The following ZNF81 variants were observed in gnomAD, a reference collection of about 807,000 sequenced individuals.
The protein encoded by ZNF81 is zinc finger protein 81 (HFZ20).
ZNF81 carries 5 observed loss-of-function variants against 32.3 expected under a neutral mutation model. The observed-to-expected ratio is 0.15, with a 90% confidence interval of 0.08 to 0.33. The LOEUF (loss-of-function observed/expected upper bound fraction) is 0.33, where lower values mean the gene tolerates loss of function less well. ZNF81 is among the 10% of genes least tolerant of loss of function. The pLI, the probability that ZNF81 is intolerant of heterozygous loss-of-function variation, is 1.00. For synonymous variants in ZNF81, 163 were observed against 166.8 expected (o/e 0.98, Z 0.17); for missense variants, 379 against 479.8 (o/e 0.79, Z 1.96).
At chrX:47,840,119 T>C (rs1242179064) in intron 1 of ZNF81, among the ~76,000 whole-genome samples, 1 of 79,935 alleles carries the variant, frequency 1.3e-5, no homozygotes. Context: ...TCTTCATGTC[T>C]TCTCTCTCTT....
chrX:47,874,660 T>A (rs190320751), intron 2 of ZNF81, among the ~76,000 whole-genome samples: 1 of 112,300 alleles, frequency 8.9e-6, no homozygotes, highest in East Asian at 2.8e-4. Flanking sequence ...AGGGCTGCTG[T>A]CCTCTCATTG....
intron 3 of ZNF81, among the ~76,000 whole-genome samples, chrX:47,889,136 A>G (rs1473024168): frequency 8.9e-6 from 1 of 112,028 alleles, no homozygotes; most frequent in Non-Finnish European, 1.9e-5. Context: ...GCCTATCCAT[A>G]TGGCAAAAAT....
chrX:47,851,572 C>T (rs2058495775), intron 2 of ZNF81, among the ~76,000 whole-genome samples: 1 of 111,523 alleles, frequency 9.0e-6, no homozygotes, highest in Admixed American at 9.6e-5. Flanking sequence ...ATTTCCTTTT[C>T]CCATTTTTCT....
chrX:47,915,054 T>C lies in ZNF81; in HGVS notation c.408T>C (p.Ala136=). ...YSILEELWQD[A]EQIKRCQEKH... ...TTTTAGAAGAATTGTGGCAAGATGC[T>C]GAACAGATAAAGAGATGTCAGGAAA... Residue 136 remains alanine, a synonymous_variant, in exon 5 of 5, where the codon GCT becomes GCC. Transcript: ENST00000338637. The C allele has an allele frequency of 8.3e-7, 1 of 1,209,551 alleles. No individual in the cohort carries two copies. Among genetic ancestry groups the C allele is most frequent in the Non-Finnish European group, 1.1e-6 (1 of 894,782 alleles).
Position 47,925,378 on chromosome X carries a change from C to T in ZNF81, c.*8746C>T, listed in dbSNP as rs182137930. On this transcript the variant is annotated 3_prime_UTR_variant, in exon 5 of 5. Transcript: ENST00000338637. Reference sequence around the variant, plus strand: ...TTTTCTATTGTTATAGATTAGTTTGCGTTTCCTACAATTTTATACACATGG... The same window carrying T: ...TTTTCTATTGTTATAGATTAGTTTGTGTTTCCTACAATTTTATACACATGG... 6.3e-5 allele frequency among the ~76,000 whole-genome samples: 7 copies of T among 111,863 alleles called. No individual in the cohort carries two copies. The highest frequency in any genetic ancestry group is 3.8e-4 in the Admixed American group (4 of 10,532).
At chrX:47,890,594 G>C (rs782791118) in intron 3 of ZNF81, among the ~76,000 whole-genome samples, 21 of 112,023 alleles carry the variant, frequency 1.9e-4, no homozygotes, top group Non-Finnish European at 3.4e-4. Context: ...CATTGGATCT[G>C]CTGGATCATA....
At chrX:47,884,232 G>A (rs1399454310) in intron 2 of ZNF81, among the ~76,000 whole-genome samples, 7 of 80,630 alleles carry the variant, frequency 8.7e-5, no homozygotes, top group African/African-American at 2.4e-4. Flanking sequence ...GCGACAGAGC[G>A]AGACGTCATC....
At chrX:47,888,174 A>G in intron 3 of ZNF81, 49 bp downstream of exon 3, 1 of 1,184,710 alleles carries the variant, frequency 8.4e-7, no homozygotes. Flanking sequence ...TATGGGTTAA[A>G]TTGTGCCCCC....
At position 47,924,104 on chromosome X, in the gene ZNF81, A is replaced by G. The variant is rs1454643855; in HGVS notation, c.*7472A>G. On this transcript the variant is annotated 3_prime_UTR_variant, in exon 5 of 5. Transcript: ENST00000338637. ...TATCCACCCATGCTAATGTCTCAAA[A>G]GGGCTGGTTTAGTGATTTCTTTAGT... Among the ~76,000 whole-genome samples, 8 of 111,814 alleles carry G rather than the reference A, an allele frequency of 7.2e-5. No individual in the cohort carries two copies. The highest frequency in any genetic ancestry group is 2.6e-4 in the African/African-American group (8 of 30,704).
At chrX:47,847,375 C>T (rs1556880646) in intron 2 of ZNF81, among the ~76,000 whole-genome samples, 1 of 111,646 alleles carries the variant, frequency 9.0e-6, no homozygotes, top group Non-Finnish European at 1.9e-5. Flanking sequence ...CCGCCATGCC[C>T]AGTAGGTGCC....
intron 2 of ZNF81, among the ~76,000 whole-genome samples, chrX:47,848,412 C>T (rs181507808): frequency 8.9e-6 from 1 of 111,782 alleles, no homozygotes; most frequent in Non-Finnish European, 1.9e-5. Context: ...TTTTTAAAAA[C>T]TTTATCTTCC....
chrX:47,869,223 A>G (rs1352903453), intron 2 of ZNF81, among the ~76,000 whole-genome samples: 9 of 112,222 alleles, frequency 8.0e-5, no homozygotes, highest in African/African-American at 2.3e-4. Context: ...ATCTGGATGC[A>G]TATAAGTTAC....
At chrX:47,908,386 A>G (rs2058728075) in intron 4 of ZNF81, among the ~76,000 whole-genome samples, 1 of 111,809 alleles carries the variant, frequency 8.9e-6, no homozygotes, top group Non-Finnish European at 1.9e-5. Flanking sequence ...ACTGACAATT[A>G]TCAAATGTTG....
chrX:47,839,012 T>C (rs1007419173), intron 1 of ZNF81, among the ~76,000 whole-genome samples: 1 of 111,605 alleles, frequency 9.0e-6, no homozygotes, highest in South Asian at 3.8e-4. Context: ...CTCAATCTCC[T>C]GGGCTCAAAT....
chrX:47,897,561 AGT>A (rs1335278328), intron 4 of ZNF81, among the ~76,000 whole-genome samples: 1 of 112,300 alleles, frequency 8.9e-6, no homozygotes, highest in Non-Finnish European at 1.9e-5. Flanking sequence ...AATTTGATGA[AGT>A]CCAATTTATC....
At position 47,915,115 on chromosome X, in the gene ZNF81, A is replaced by C; in HGVS notation, c.469A>C (p.Asn157His). ...NKLLSRTTFL[N>H]KKILNTEWDY... is the part of the protein sequence containing the mutation. ...ACTTCTGAGTCGCACTACTTTCCTC[A>C]ATAAGAAAATATTGAATACAGAGTG... is the stretch of plus-strand genomic sequence containing the variant. Residue 157 changes from asparagine to histidine, a missense_variant, in exon 5 of 5, where the codon AAT (asparagine) becomes CAT (histidine). Transcript: ENST00000338637. The C allele has an allele frequency of 2.5e-6, 3 of 1,206,125 alleles. No individual in the cohort carries two copies. In the South Asian group the frequency reaches 5.4e-5, roughly 22 times the overall value.
At chrX:47,876,960 C>G (rs1370236280) in intron 2 of ZNF81, among the ~76,000 whole-genome samples, 1 of 112,035 alleles carries the variant, frequency 8.9e-6, no homozygotes, top group Non-Finnish European at 1.9e-5. Context: ...TGGGGAGTGG[C>G]TTGCATGTCT....
intron 4 of ZNF81, among the ~76,000 whole-genome samples, chrX:47,909,514 G>T (rs2058731841): frequency 9.1e-6 from 1 of 109,651 alleles, no homozygotes; most frequent in Non-Finnish European, 1.9e-5. Context: ...TTGTTTGTTT[G>T]TTTGTTTGTT....
chrX:47,858,276 T>C (rs2058525185), intron 2 of ZNF81, among the ~76,000 whole-genome samples: 1 of 112,154 alleles, frequency 8.9e-6, no homozygotes, highest in Non-Finnish European at 1.9e-5. Context: ...AAGTCAAGCA[T>C]CCCACACTTC....
Sources: allele counts gnomAD v4.1 joint callset (sites outside exome capture counted in the v4.1 genomes callset), GRCh38; gene constraint gnomAD v4.1.1; transcripts MANE v1.5; gene names NCBI Gene and HGNC (gene_info 2026-07-23, HGNC 2026-07-21).